Variants in EPM2A observed in about 807,000 individuals in gnomAD.
The protein encoded by EPM2A is EPM2A glucan phosphatase, laforin, also known as laforin.
In EPM2A, 21 loss-of-function variants were observed where a neutral mutation model predicts 26.5. The observed-to-expected ratio is 0.79, with a 90% CI of 0.56 to 1.14. EPM2A has a LOEUF of 1.14. EPM2A is among the 50% of genes most tolerant of loss of function. The pLI, the probability that EPM2A is intolerant of heterozygous loss-of-function variation, is 0.00. For synonymous variants in EPM2A, 217 were observed against 177.6 expected (o/e 1.22, Z -1.76); for missense variants, 458 against 440.8 (o/e 1.04, Z -0.35).
At chr6:145,609,214 TAGG>T (rs1775337633) in intron 2 of EPM2A, among the ~76,000 whole-genome samples, 1 of 152,122 alleles carries the variant, frequency 6.6e-6, no homozygotes, top group Non-Finnish European at 1.5e-5. Flanking sequence ...TTAAAATAAA[TAGG>T]AGAGCAGAAC....
chr6:145,435,633 A>G (rs1582753052), intron 4 of EPM2A, among the ~76,000 whole-genome samples: 3 of 151,984 alleles, frequency 2.0e-5, no homozygotes, highest in African/African-American at 7.2e-5. Flanking sequence ...TGCTTTTTAA[A>G]TAAATTACCC....
intron 2 of EPM2A, among the ~76,000 whole-genome samples, chr6:145,663,219 T>C (rs905151677): frequency 2.0e-5 from 3 of 152,136 alleles, no homozygotes; most frequent in Admixed American, 1.3e-4. Context: ...ATGGAAATGA[T>C]AGCAAATACA....
intron 1 of EPM2A, among the ~76,000 whole-genome samples, chr6:145,706,566 C>A (rs546739745): frequency 6.6e-6 from 1 of 152,278 alleles, no homozygotes; most frequent in Non-Finnish European, 1.5e-5. Context: ...CCAATCAACA[C>A]TGATGGCCTA....
intron 2 of EPM2A, among the ~76,000 whole-genome samples, chr6:145,525,215 T>TTTTA (rs71552932): frequency 0.14 from 20,478 of 146,924 alleles, 1,642 homozygotes; most frequent in African/African-American, 0.21. Flanking sequence ...ATGCCTTCAA[T>TTTTA]TTTATTTATT....
chr6:145,525,379 G>A (rs1780257344), intron 2 of EPM2A, among the ~76,000 whole-genome samples: 1 of 152,082 alleles, frequency 6.6e-6, no homozygotes, highest in South Asian at 2.1e-4. Flanking sequence ...CATTGACTGT[G>A]TAGATTGCTT....
chr6:145,660,504 TC>T (rs1413640629), intron 2 of EPM2A, among the ~76,000 whole-genome samples: 1 of 152,156 alleles, frequency 6.6e-6, no homozygotes, highest in Non-Finnish European at 1.5e-5. Flanking sequence ...ATGTAGGCAC[TC>T]AAAAAACATT....
intron 2 of EPM2A, among the ~76,000 whole-genome samples, chr6:145,597,396 T>C (rs2128549297): frequency 6.6e-6 from 1 of 152,316 alleles, no homozygotes; most frequent in East Asian, 1.9e-4. Context: ...GATTGCTTCA[T>C]TGATTTCTAG....
chr6:145,732,640 A>G (rs1776559600), intron 1 of EPM2A, among the ~76,000 whole-genome samples: 1 of 152,170 alleles, frequency 6.6e-6, no homozygotes, highest in Non-Finnish European at 1.5e-5. Flanking sequence ...TACAGTCCAA[A>G]TATGAAGTAA....
chr6:145,688,442 C>T (rs951178076), intron 1 of EPM2A, among the ~76,000 whole-genome samples: 1 of 152,054 alleles, frequency 6.6e-6, no homozygotes, highest in African/African-American at 2.4e-5. Flanking sequence ...TATACAGTGG[C>T]ACTATTCACT....
chr6:145,457,569 T>G (rs1372214734), intron 4 of EPM2A, among the ~76,000 whole-genome samples: 1 of 152,182 alleles, frequency 6.6e-6, no homozygotes, highest in Non-Finnish European at 1.5e-5. Context: ...GCATCTCTTT[T>G]GCATTCCCAA....
chr6:145,702,480 A>AAAG (rs1201012037), intron 1 of EPM2A, among the ~76,000 whole-genome samples: 21 of 152,278 alleles, frequency 1.4e-4, no homozygotes, highest in African/African-American at 5.1e-4. Context: ...AAAGAAGAAA[A>AAAG]AAAGAAAAAG....
chr6:145,472,081 A>C (rs1372156344), intron 4 of EPM2A, among the ~76,000 whole-genome samples: 16 of 151,426 alleles, frequency 1.1e-4, no homozygotes, highest in Non-Finnish European at 2.9e-5. Flanking sequence ...CAACTACAGC[A>C]GGGAAGGGCA....
At chr6:145,563,156 G>T (rs1780832001) in intron 2 of EPM2A, among the ~76,000 whole-genome samples, 1 of 151,850 alleles carries the variant, frequency 6.6e-6, no homozygotes, top group South Asian at 2.1e-4. Flanking sequence ...AGGGTCCCCA[G>T]GTGTGGTTGG....
chr6:145,422,076 T>TAG (rs61310193), intron 4 of EPM2A, among the ~76,000 whole-genome samples: 24,478 of 138,326 alleles, frequency 0.18, 2,578 homozygotes, highest in East Asian at 0.38. Flanking sequence ...TATATATATA[T>TAG]AGAGAGAGAG....
chr6:145,434,988 C>G (rs551033238), intron 4 of EPM2A, among the ~76,000 whole-genome samples: 17 of 152,262 alleles, frequency 1.1e-4, no homozygotes, highest in Non-Finnish European at 2.1e-4. Flanking sequence ...CTCCTCATTC[C>G]TTCTGCTCTT....
chr6:145,516,655 C>T (rs1332359821), intron 2 of EPM2A, among the ~76,000 whole-genome samples: 1 of 151,966 alleles, frequency 6.6e-6, no homozygotes, highest in Non-Finnish European at 1.5e-5. Flanking sequence ...CTGTGGGACT[C>T]GAATAGAGAA....
intron 2 of EPM2A, chr6:145,671,032 T>C: frequency 1.0e-6 from 1 of 985,258 alleles, no homozygotes; most frequent in Non-Finnish European, 1.2e-6. Context: ...ATGGAAATGC[T>C]AATTGAAATT....
At chr6:145,671,113 T>G in intron 2 of EPM2A, 1 of 993,736 alleles carries the variant, frequency 1.0e-6, no homozygotes, top group Non-Finnish European at 1.2e-6. Flanking sequence ...TAGGTCCCAT[T>G]GCCCACCAAA....
At chr6:145,722,089 C>T (rs763587641) in intron 1 of EPM2A, among the ~76,000 whole-genome samples, 16 of 152,158 alleles carry the variant, frequency 1.1e-4, no homozygotes, top group African/African-American at 3.6e-4. Context: ...AGATCAGATA[C>T]GGGGGGAGAT....
Sources: allele counts gnomAD v4.1 joint callset (sites outside exome capture counted in the v4.1 genomes callset), GRCh38; gene constraint gnomAD v4.1.1; transcripts MANE v1.5; gene names NCBI Gene and HGNC (gene_info 2026-07-23, HGNC 2026-07-21).